Variants in SLC6A19 observed in about 807,000 individuals in gnomAD.
SLC6A19 encodes sodium-dependent neutral amino acid transporter B(0)AT1.
In SLC6A19, 67 loss-of-function variants were observed where a neutral mutation model predicts 68.3. That is an observed-to-expected ratio of 0.98 (90% CI 0.81 to 1.20). The LOEUF (loss-of-function observed/expected upper bound fraction) is 1.20. SLC6A19 is among the 50% of genes most tolerant of loss of function. The probability of loss-of-function intolerance (pLI) is 0.00; values close to 1 mark genes in which losing one functional copy is unlikely to be tolerated. For synonymous variants in SLC6A19, 392 were observed against 374.9 expected, an observed-to-expected ratio of 1.05 and a Z score of -0.53; for missense variants, 813 against 851.6, an observed-to-expected ratio of 0.95 and a Z score of 0.56.
At position 1,222,207 on chromosome 5, in the gene SLC6A19, G is replaced by A. The variant is rs1042942313; in HGVS notation, c.*303G>A. Reference sequence around the variant, plus strand: ...TCATGTTGTGTGTGTGCATGTACATGTATGGACATTGTGTGAGTGTGCAAG... The same window carrying A: ...TCATGTTGTGTGTGTGCATGTACATATATGGACATTGTGTGAGTGTGCAAG... On this transcript the variant is annotated 3_prime_UTR_variant, in exon 12 of 12. Transcript: ENST00000304460. 8.5e-6 allele frequency: 5 copies of A among 589,876 alleles called. No individual in the cohort carries two copies. The highest frequency in any genetic ancestry group is 7.4e-5 in the African/African-American group (4 of 53,714). The allele number at this position is 589,876 out of a possible 1,614,324, so 36.5% of individuals were successfully genotyped here. A position where few individuals can be genotyped will look rare whatever the true frequency, so the allele number is the denominator to read the frequency against.
At chr5:1,213,865 C>G in intron 5 of SLC6A19, 88 bp from the exon 6 acceptor site, 7 of 1,586,658 alleles carry the variant, frequency 4.4e-6, no homozygotes, top group Non-Finnish European at 6.0e-6. Context: ...ATAGCCTCGA[C>G]CCTCCCCGCC....
Position 1,214,062 on chromosome 5 carries a change from T to C in SLC6A19, c.884T>C (p.Val295Ala). ...GLISFSSYNS[V>A]HNNCEKDSVI... ...ATCTCCTTCTCCAGCTACAACTCTG[T>C]GCAGTGAGTGCGGGTGTGGTGGGCC... is the stretch of plus-strand genomic sequence containing the variant. Residue 295 changes from valine (V) to alanine (A), a missense_variant, in exon 6 of 12, where the codon GTG becomes GCG. Coordinates refer to ENST00000304460, the MANE Select transcript of SLC6A19 (RefSeq NM_001003841.3). This position sits in a 1 kb window ranked among gnomAD's most constrained non-coding sequence, Gnocchi z 7.4. 6.2e-7 allele frequency: 1 copy of C among 1,613,804 alleles called. No individual in the cohort carries two copies. Among genetic ancestry groups the C allele is most frequent in the Non-Finnish European group, 8.5e-7 (1 of 1,179,978 alleles).
In SLC6A19 at chr5:1,212,601, C is replaced by A; in HGVS notation, c.663+117C>A. On this transcript the variant is annotated intron_variant, in intron 4 of 11. Transcript: ENST00000304460. The surrounding 1 kb of genome is among the most constrained non-coding windows in gnomAD (Gnocchi z 5.1). ...TGGGGGTCCCGGGCTCTGCCTTTCC[C>A]CAGACCCCACCAAGAGAGCTGCCTT... 1 of 1,305,566 alleles carries A rather than the reference C, an allele frequency of 7.7e-7. No individual in the cohort carries two copies. The highest frequency in any genetic ancestry group is 1.1e-6 in the Non-Finnish European group (1 of 934,744). 80.9% of individuals were successfully genotyped at this position (1,305,566 alleles called of 1,614,324 possible). A position where few individuals can be genotyped will look rare whatever the true frequency, so the allele number is the denominator to read the frequency against.
chr5:1,211,147 G>A (rs979829832), intron 3 of SLC6A19, among the ~76,000 whole-genome samples: 1 of 152,224 alleles, frequency 6.6e-6, no homozygotes, highest in Non-Finnish European at 1.5e-5. Flanking sequence ...CCAGCACAGC[G>A]GGGCCAGCGG....
chr5:1,213,496 G>T lies in SLC6A19; in HGVS notation c.697G>T (p.Val233Phe). ...VYITSTLPYVVLTIFLIRGLT... is the reference protein window; with the variant it reads ...VYITSTLPYVFLTIFLIRGLT... Reference sequence around the variant, plus strand: ...CATCACCTCCACGCTGCCCTATGTCGTCCTGACCATCTTCCTCATCCGAGG... The same window carrying T: ...CATCACCTCCACGCTGCCCTATGTCTTCCTGACCATCTTCCTCATCCGAGG... Residue 233 changes from valine to phenylalanine, a missense_variant, in exon 5 of 12, where the codon GTC (valine) becomes TTC (phenylalanine). By Grantham distance (50) the Val-to-Phe change is conservative (BLOSUM62 -1). Coordinates refer to ENST00000304460, the MANE Select transcript of SLC6A19 (RefSeq NM_001003841.3). 1.2e-6 allele frequency: 2 copies of T among 1,605,912 alleles called. No individual in the cohort carries two copies. Among genetic ancestry groups the T allele is most frequent in the Non-Finnish European group, 1.7e-6 (2 of 1,178,220 alleles).
rs1746189774 is a variant in SLC6A19, at chr5:1,215,729, T to C, written c.888-829T>C. 6.6e-6 allele frequency among the ~76,000 whole-genome samples: 1 copy of C among 152,240 alleles called. No individual in the cohort carries two copies. Among genetic ancestry groups the C allele is most frequent in the Admixed American group, 6.5e-5 (1 of 15,290 alleles). The stretch of plus-strand genomic sequence containing the variant: ...TACGCGTTTTTGTGGACGCATGCTT[T>C]CGTTCTTCTGGGTGTGCGCCTAGGA... On this transcript the variant is annotated intron_variant, in intron 6 of 11. Transcript: ENST00000304460. This position sits in a 1 kb window ranked among gnomAD's most constrained non-coding sequence, Gnocchi z 5.1.
chr5:1,201,974 A>G, intron 1 of SLC6A19, 122 bp downstream of exon 1: 2 of 1,330,088 alleles, frequency 1.5e-6, no homozygotes, highest in South Asian at 2.9e-5. Flanking sequence ...GGGAGAGGAG[A>G]AGCCGCAGGG....
At chr5:1,202,746 T>G (rs1195649913) in intron 1 of SLC6A19, among the ~76,000 whole-genome samples, 1 of 152,200 alleles carries the variant, frequency 6.6e-6, no homozygotes, top group Non-Finnish European at 1.5e-5. Context: ...CAGGGGGCCC[T>G]GTTCCTTCTC....
intron 3 of SLC6A19, among the ~76,000 whole-genome samples, chr5:1,210,833 G>T: frequency 6.6e-6 from 1 of 152,208 alleles, no homozygotes; most frequent in Middle Eastern, 3.4e-3. Context: ...TGCTCTGAGG[G>T]CCCCCGGTCA....
In SLC6A19 at chr5:1,214,772, G is replaced by A. The variant is rs988279903; in HGVS notation, c.887+707G>A. Among the ~76,000 whole-genome samples, 18 of 151,272 alleles carry A rather than the reference G, an allele frequency of 1.2e-4. 1 individual carries two copies. The highest frequency in any genetic ancestry group is 7.3e-4 in the Admixed American group (11 of 15,170). ...GGGTGGCCCTCCAGGCTGTGAAGGTGCGATTGGAGTCAGACACAGGGGACC... is the reference window on the plus strand; with the variant it reads ...GGGTGGCCCTCCAGGCTGTGAAGGTACGATTGGAGTCAGACACAGGGGACC... On this transcript the variant is annotated intron_variant, in intron 6 of 11. Coordinates refer to ENST00000304460, the MANE Select transcript of SLC6A19 (RefSeq NM_001003841.3). This position sits in a 1 kb window ranked among gnomAD's most constrained non-coding sequence, Gnocchi z 7.4.
At chr5:1,210,043 G>A (rs1168996830) in intron 2 of SLC6A19, among the ~76,000 whole-genome samples, 1 of 152,248 alleles carries the variant, frequency 6.6e-6, no homozygotes, top group Non-Finnish European at 1.5e-5. Context: ...TCAGGGCCAA[G>A]TGGGCAGTCC....
At chr5:1,210,324 T>C in intron 2 of SLC6A19, 120 bp from the exon 3 acceptor site, 1 of 1,445,916 alleles carries the variant, frequency 6.9e-7, no homozygotes, top group Non-Finnish European at 9.4e-7. Context: ...CCTCAGATTC[T>C]GGAGTAGCCC....
chr5:1,206,857 G>A (rs531563470), intron 1 of SLC6A19, among the ~76,000 whole-genome samples: 160 of 152,312 alleles, frequency 1.1e-3, no homozygotes, highest in African/African-American at 3.7e-3. Context: ...GACCCATGTC[G>A]GGATCAGGCT....
chr5:1,201,928 C>T, intron 1 of SLC6A19, 76 bp downstream of exon 1: 1 of 1,512,178 alleles, frequency 6.6e-7, no homozygotes, highest in Non-Finnish European at 8.9e-7. Context: ...CCTGGGCAGA[C>T]ATCCTCCCCG....
chr5:1,212,500 G>C lies in SLC6A19; in HGVS notation c.663+16G>C, dbSNP rs75252137. The C allele has an allele frequency of 9.4e-6, 15 of 1,603,974 alleles. No homozygotes were observed. The highest frequency in any genetic ancestry group is 1.2e-5 in the Non-Finnish European group (14 of 1,179,656). ...CACCGGGAAGGTACTGCATGGGCCCGGCCAGGCTGCAGGTGCTCCAGAGGG... is the reference window on the plus strand; with the variant it reads ...CACCGGGAAGGTACTGCATGGGCCCCGCCAGGCTGCAGGTGCTCCAGAGGG... On this transcript the variant is annotated intron_variant, in intron 4 of 11. Transcript: ENST00000304460. This position sits in a 1 kb window ranked among gnomAD's most constrained non-coding sequence, Gnocchi z 5.1.
chr5:1,208,899 G>A lies in SLC6A19; in HGVS notation c.343+13G>A. On this transcript the variant is annotated intron_variant, in intron 2 of 11. Coordinates refer to ENST00000304460, the MANE Select transcript of SLC6A19 (RefSeq NM_001003841.3). The stretch of plus-strand genomic sequence containing the variant: ...CTGAAGGGCCTAGGTGAGTGCCTCG[G>A]AGCAGTTCCACCCGGGCCCAGGGGT... The A allele has an allele frequency of 6.2e-7, 1 of 1,609,782 alleles. No homozygotes were observed. The highest frequency in any genetic ancestry group is 8.5e-7 in the Non-Finnish European group (1 of 1,179,100).
chr5:1,217,549 C>T (rs1746243523), intron 8 of SLC6A19, among the ~76,000 whole-genome samples: 1 of 152,220 alleles, frequency 6.6e-6, no homozygotes, highest in Non-Finnish European at 1.5e-5. Context: ...CCCAGTGCTG[C>T]TTCTCCAGTG....
chr5:1,210,582 G>A lies in SLC6A19; in HGVS notation c.481+1G>A. On this transcript the variant is annotated splice_donor_variant, in intron 3 of 11. Transcript: ENST00000304460. LOFTEE classifies it high-confidence loss of function. ...TGCCCGCTCAACGAGAACCAGACAG[G>A]TGAGTCCTTGCAAGCAGCCCCATCC... 1.9e-6 allele frequency: 3 copies of A among 1,612,564 alleles called. No homozygotes were observed. Among genetic ancestry groups the A allele is most frequent in the Non-Finnish European group, 1.7e-6 (2 of 1,180,014 alleles).
At chr5:1,219,331 G>A (rs896210838) in intron 9 of SLC6A19, among the ~76,000 whole-genome samples, 174 bp from the exon 10 acceptor site, 5 of 149,706 alleles carry the variant, frequency 3.3e-5, no homozygotes, top group African/African-American at 7.4e-5. Context: ...CCGGCCGTGC[G>A]TGCAGCCGCC....
Sources: allele counts gnomAD v4.1 joint callset (sites outside exome capture counted in the v4.1 genomes callset), GRCh38; gene constraint gnomAD v4.1.1; non-coding constraint Gnocchi (gnomAD v3.1); transcripts MANE v1.5; gene names NCBI Gene and HGNC (gene_info 2026-07-23, HGNC 2026-07-21).